The following NTRK3 variants were observed in gnomAD, a reference collection of about 807,000 sequenced individuals.
NTRK3 encodes the protein neurotrophic receptor tyrosine kinase 3.
In NTRK3, 24 loss-of-function variants were observed where a neutral mutation model predicts 91.7. The observed-to-expected ratio is 0.26, with a 90% confidence interval of 0.19 to 0.37. The LOEUF (loss-of-function observed/expected upper bound fraction) is 0.37, where lower values mean the gene tolerates loss of function less well. Ranked by LOEUF, NTRK3 falls within the 10% of genes least tolerant of loss-of-function variation. The pLI is 1.00. For synonymous variants in NTRK3, 483 were observed against 404.0 expected (o/e 1.20, Z -2.34); for missense variants, 880 against 1,068.9 (o/e 0.82, Z 2.46).
intron 17 of NTRK3, chr15:87,925,703 ACTT>A (rs1178260994): frequency 5.9e-5 from 11 of 185,396 alleles, no homozygotes; most frequent in Non-Finnish European, 1.3e-4. Context: ...CCAAATGTGG[ACTT>A]AGCTCTAGGA....
chr15:87,880,198 G>C (rs2065166764), intron 18 of NTRK3, 72 bp downstream of exon 19: 1 of 1,593,322 alleles, frequency 6.3e-7, no homozygotes, highest in Admixed American at 1.7e-5. Flanking sequence ...TGTTCAGTAG[G>C]TCCAAGTTCT....
chr15:88,090,179 C>A (rs2150747159), intron 13 of NTRK3, among the ~76,000 whole-genome samples: 1 of 152,338 alleles, frequency 6.6e-6, no homozygotes, highest in African/African-American at 2.4e-5. Context: ...CTCTTATCTT[C>A]AGTCTTCTCC....
chr15:87,868,734 T>C (rs1376681566), exon 19 of NTRK3: 1 of 221,618 alleles, frequency 4.5e-6, no homozygotes, highest in African/African-American at 2.2e-5. Flanking sequence ...TGTGGAATTA[T>C]AGAGTGAGTC....
At chr15:88,199,377 A>G (rs2048099155) in intron 3 of NTRK3, among the ~76,000 whole-genome samples, 1 of 152,068 alleles carries the variant, frequency 6.6e-6, no homozygotes, top group Non-Finnish European at 1.5e-5. Context: ...TGGGGCAGGG[A>G]CTATGTCTTT....
intron 14 of NTRK3, among the ~76,000 whole-genome samples, chr15:87,947,935 C>A (rs1346676504): frequency 6.6e-6 from 1 of 151,936 alleles, no homozygotes; most frequent in East Asian, 1.9e-4. Flanking sequence ...CAGCTTTGAA[C>A]CTTTGAGGGG....
chr15:88,200,029 A>G (rs148169782), intron 3 of NTRK3, among the ~76,000 whole-genome samples: 48 of 152,358 alleles, frequency 3.2e-4, no homozygotes, highest in African/African-American at 1.2e-3. Flanking sequence ...CTCTTCTCAC[A>G]CTATGCACAA....
intron 14 of NTRK3, among the ~76,000 whole-genome samples, chr15:87,968,934 C>G (rs2073024383): frequency 6.6e-6 from 1 of 152,098 alleles, no homozygotes; most frequent in South Asian, 2.1e-4. Flanking sequence ...TCATTCCCCC[C>G]AGCTTTACCA....
intron 14 of NTRK3, among the ~76,000 whole-genome samples, chr15:87,958,755 G>A (rs2071934372): frequency 6.6e-6 from 1 of 151,870 alleles, no homozygotes; most frequent in Non-Finnish European, 1.5e-5. Context: ...ACCTGGGCAG[G>A]GGTCTCCCAA....
chr15:87,987,899 T>A (rs919470816), intron 14 of NTRK3, among the ~76,000 whole-genome samples: 2 of 151,408 alleles, frequency 1.3e-5, no homozygotes, highest in African/African-American at 2.4e-5. Context: ...ATAATAATAA[T>A]AAATATAAGA....
intron 3 of NTRK3, among the ~76,000 whole-genome samples, chr15:88,200,721 T>C (rs2048231953): frequency 6.6e-6 from 1 of 152,220 alleles, no homozygotes; most frequent in Non-Finnish European, 1.5e-5. Context: ...ATTAAACCTC[T>C]TTCCTTTATA....
chr15:88,003,161 G>A (rs1423872414), intron 14 of NTRK3, among the ~76,000 whole-genome samples: 2 of 152,240 alleles, frequency 1.3e-5, no homozygotes, highest in East Asian at 3.8e-4. Flanking sequence ...CCACTCACTT[G>A]TCTTTTGAAG....
chr15:87,866,034 T>G (rs1271933273), exon 19 of NTRK3: 4 of 231,102 alleles, frequency 1.7e-5, no homozygotes, highest in African/African-American at 8.8e-5. Flanking sequence ...TCTATTTGTC[T>G]GGCCCTGTAC....
chr15:88,048,427 A>T (rs1457532466), intron 13 of NTRK3, among the ~76,000 whole-genome samples: 3 of 152,232 alleles, frequency 2.0e-5, no homozygotes, highest in Non-Finnish European at 2.9e-5. Flanking sequence ...AAGAGCAATT[A>T]GACTGACAAG....
exon 19 of NTRK3, chr15:87,873,436 G>A: frequency 4.3e-6 from 1 of 231,068 alleles, no homozygotes. Context: ...CCTACTCCAA[G>A]GTGGACACCC....
At chr15:88,134,078 G>T (rs1280026676) in intron 10 of NTRK3, among the ~76,000 whole-genome samples, 1 of 152,178 alleles carries the variant, frequency 6.6e-6, no homozygotes, top group African/African-American at 2.4e-5. Context: ...CTTTGTGCAC[G>T]TGTGTGAGCA....
chr15:88,159,569 G>A (rs961344881), intron 5 of NTRK3, among the ~76,000 whole-genome samples: 1 of 152,164 alleles, frequency 6.6e-6, no homozygotes, highest in Non-Finnish European at 1.5e-5. Context: ...TTCCCCATGG[G>A]CAAGTTGACT....
chr15:88,223,037 G>A (rs1598038754), intron 3 of NTRK3, among the ~76,000 whole-genome samples: 2 of 152,306 alleles, frequency 1.3e-5, no homozygotes, highest in East Asian at 1.9e-4. Flanking sequence ...GGGCGATGGG[G>A]CTGGCAGGAG....
chr15:88,139,942 TG>T (rs1271042257), intron 6 of NTRK3, among the ~76,000 whole-genome samples: 6 of 61,728 alleles, frequency 9.7e-5, no homozygotes, highest in African/African-American at 3.8e-4. Flanking sequence ...GTGTGGGGGG[TG>T]GGGGTAAGTA....
At chr15:88,139,106 C>T (rs997715749) in intron 6 of NTRK3, among the ~76,000 whole-genome samples, 5 of 152,190 alleles carry the variant, frequency 3.3e-5, no homozygotes, top group Non-Finnish European at 5.9e-5. Context: ...AAGACAGTCC[C>T]TGTCCTCCAG....
Sources: gnomAD v4.1 joint callset for allele counts (sites outside exome capture counted in the v4.1 genomes callset) on GRCh38, gnomAD v4.1.1 for gene constraint, MANE v1.5 for transcripts, NCBI Gene and HGNC (gene_info 2026-07-23, HGNC 2026-07-21) for gene names.